The following TOX2 variants were observed in gnomAD, a reference collection of about 807,000 sequenced individuals.
TOX2 encodes the protein granulosa cell HMG box 1.
A neutral mutation model predicts 47.4 loss-of-function variants in TOX2; 15 were observed. The observed-to-expected ratio is 0.32, with a 90% CI of 0.21 to 0.49. The LOEUF (loss-of-function observed/expected upper bound fraction) is 0.49. TOX2 is among the 20% of genes least tolerant of loss of function. The probability of loss-of-function intolerance (pLI) is 0.99; values close to 1 mark genes in which losing one functional copy is unlikely to be tolerated. For synonymous variants in TOX2, 290 were observed against 296.6 expected (o/e 0.98, Z 0.23); for missense variants, 622 against 673.1 (o/e 0.92, Z 0.84).
rs150112299 is a variant in TOX2, at chr20:44,024,308, T to C, written c.411+17516T>C. Among the ~76,000 whole-genome samples, 723 of 152,316 alleles carry C rather than the reference T, an allele frequency of 4.7e-3. 9 individuals carry two copies. The highest frequency in any genetic ancestry group is 0.017 in the African/African-American group (694 of 41,574). On this transcript the variant is annotated intron_variant, in intron 3 of 8. Coordinates refer to ENST00000341197, the MANE Select transcript of TOX2 (RefSeq NM_001098797.2). Reference sequence around the variant, plus strand: ...ACCTTTACCCAGGGTTTATCCATCTTATTGCTTTATCTACATTGTTTTATT... The same window carrying C: ...ACCTTTACCCAGGGTTTATCCATCTCATTGCTTTATCTACATTGTTTTATT...
chr20:44,066,092 A>G lies in TOX2; in HGVS notation c.1341A>G (p.Ser447=). 2 of 1,551,874 alleles carry G rather than the reference A, an allele frequency of 1.3e-6. No individual in the cohort carries two copies. Among genetic ancestry groups the G allele is most frequent in the Non-Finnish European group, 1.7e-6 (2 of 1,149,766 alleles). Residue 447 remains serine, a synonymous_variant, in exon 7 of 9, where the codon TCA becomes TCG. Coordinates refer to ENST00000341197, the MANE Select transcript of TOX2 (RefSeq NM_001098797.2). ...AGGTGCAGCTGGCGATGAGCCCCTC[A>G]CCTCCAGGGCCACAGGTAAGCAGGG... The part of the protein sequence containing the change: ...ALQVQLAMSP[S]PPGPQDFPHI...
chr20:44,003,345 C>T (rs1233912790), intron 2 of TOX2, among the ~76,000 whole-genome samples: 1 of 152,022 alleles, frequency 6.6e-6, no homozygotes, highest in Non-Finnish European at 1.5e-5. Context: ...GGCCACACAC[C>T]CAGTGAATTT....
At chr20:43,974,622 G>A (rs1288075499) in intron 2 of TOX2, among the ~76,000 whole-genome samples, 1 of 152,242 alleles carries the variant, frequency 6.6e-6, no homozygotes, top group Non-Finnish European at 1.5e-5. Flanking sequence ...TGGCCCCTCA[G>A]CCATCAGGCT....
intron 1 of TOX2, chr20:43,945,826 G>A: frequency 1.3e-6 from 2 of 1,561,474 alleles, no homozygotes; most frequent in Non-Finnish European, 1.7e-6. Flanking sequence ...GGGGTGCTGG[G>A]CCTCCAGCCA....
intron 3 of TOX2, among the ~76,000 whole-genome samples, chr20:44,029,755 C>T (rs1385077922): frequency 1.3e-5 from 2 of 152,158 alleles, no homozygotes; most frequent in East Asian, 3.8e-4. Flanking sequence ...CCTCTCTCCC[C>T]TCGTGGTCCC....
At chr20:43,986,236 G>T (rs2070261082) in intron 2 of TOX2, among the ~76,000 whole-genome samples, 1 of 125,718 alleles carries the variant, frequency 8.0e-6, no homozygotes, top group African/African-American at 3.3e-5. Context: ...ATAATGGGAA[G>T]GGACGAGGAA....
intron 5 of TOX2, among the ~76,000 whole-genome samples, chr20:44,057,165 C>G (rs1458623070): frequency 2.6e-5 from 4 of 152,296 alleles, no homozygotes; most frequent in South Asian, 4.1e-4. Context: ...AAATGATCAT[C>G]CCACCTTGGC....
Position 44,014,703 on chromosome 20 carries a change from C to T in TOX2, c.411+7911C>T, listed in dbSNP as rs77205806. ...GCGATCCGATGCAGGTGAAGTGTCACGCATAGGCAATTGGTAAATGTAAGC... is the reference window on the plus strand; with the variant it reads ...GCGATCCGATGCAGGTGAAGTGTCATGCATAGGCAATTGGTAAATGTAAGC... On this transcript the variant is annotated intron_variant, in intron 3 of 8. Transcript: ENST00000341197. Among the ~76,000 whole-genome samples the T allele has an allele frequency of 7.6e-3, 1,153 of 152,244 alleles. 17 individuals carry two copies. The highest frequency in any genetic ancestry group is 0.027 in the African/African-American group (1,109 of 41,530).
intron 1 of TOX2, among the ~76,000 whole-genome samples, chr20:43,965,952 A>G (rs1299836906): frequency 6.6e-6 from 1 of 152,230 alleles, no homozygotes; most frequent in Non-Finnish European, 1.5e-5. Context: ...AGACAATGTC[A>G]TCTGCTAGAC....
chr20:43,992,849 C>CAA (rs11483440), intron 2 of TOX2, among the ~76,000 whole-genome samples: 2,223 of 74,458 alleles, frequency 0.03, 79 homozygotes, highest in African/African-American at 0.077. Context: ...GTAGGGTTTA[C>CAA]AAAAAAAAAA....
chr20:44,015,081 G>T (rs1449070064), intron 3 of TOX2, among the ~76,000 whole-genome samples: 1 of 151,602 alleles, frequency 6.6e-6, no homozygotes, highest in African/African-American at 2.4e-5. Flanking sequence ...CTTTTCCAAG[G>T]TGCCATGCTT....
intron 3 of TOX2, among the ~76,000 whole-genome samples, chr20:44,008,084 A>G (rs1438031812): frequency 6.6e-6 from 1 of 152,140 alleles, no homozygotes; most frequent in Admixed American, 6.5e-5. Flanking sequence ...GGGGAATATC[A>G]GGTACAAAAG....
chr20:44,047,110 T>C (rs924106365), intron 3 of TOX2, among the ~76,000 whole-genome samples: 8 of 152,242 alleles, frequency 5.3e-5, no homozygotes, highest in Admixed American at 3.3e-4. Context: ...AAAATACTTA[T>C]ATGATGTAGC....
Position 44,019,480 on chromosome 20 carries a change from C to T in TOX2, c.411+12688C>T, listed in dbSNP as rs58055065. Among the ~76,000 whole-genome samples, 656 of 152,354 alleles carry T rather than the reference C, an allele frequency of 4.3e-3. 3 individuals are homozygous for T. The highest frequency in any genetic ancestry group is 0.015 in the African/African-American group (623 of 41,584). The stretch of plus-strand genomic sequence containing the variant: ...ATGGTGGGCAAAGGTGGGACCCTTG[C>T]CCCTGTCTCCCTATCGAGTGTGGGT... On this transcript the variant is annotated intron_variant, in intron 3 of 8. Transcript: ENST00000341197.
rs1213320067 is a variant in TOX2 at position 44,021,827 on chromosome 20, G to A, written c.411+15035G>A. 2.6e-5 allele frequency among the ~76,000 whole-genome samples: 4 copies of A among 151,550 alleles called. No individual in the cohort carries two copies. In the South Asian group the frequency reaches 8.4e-4, roughly 32 times the overall value. ...ATTTTTTTTTTTTTTTAAGAGATGG[G>A]GTTTCCCTGTGTTGCCCAGGCTTGT... On this transcript the variant is annotated intron_variant, in intron 3 of 8. Coordinates refer to ENST00000341197, the MANE Select transcript of TOX2 (RefSeq NM_001098797.2).
chr20:44,040,629 A>C (rs6031314), intron 3 of TOX2, among the ~76,000 whole-genome samples: 1 of 152,100 alleles, frequency 6.6e-6, no homozygotes, highest in Non-Finnish European at 1.5e-5. Flanking sequence ...ATGAGTCATA[A>C]GTGGACATGG....
At chr20:43,998,047 G>C (rs2070509185) in intron 2 of TOX2, among the ~76,000 whole-genome samples, 1 of 152,174 alleles carries the variant, frequency 6.6e-6, no homozygotes, top group South Asian at 2.1e-4. Context: ...TCTATAGGAG[G>C]CATGGCTAGG....
In TOX2 at chr20:44,006,681, C is replaced by T. The variant is rs772309501; in HGVS notation, c.300C>T (p.Thr100=). 4 of 1,614,106 alleles carry T rather than the reference C, an allele frequency of 2.5e-6. No individual in the cohort carries two copies. Among genetic ancestry groups the T allele is most frequent in the Non-Finnish European group, 3.4e-6 (4 of 1,180,030 alleles). Residue 100 remains threonine (T), a synonymous_variant, in exon 3 of 9, where the codon ACC becomes ACT. Coordinates refer to ENST00000341197, the MANE Select transcript of TOX2 (RefSeq NM_001098797.2). ...ASYHSLCHGL[T]PNGLLPAYSY... is the part of the protein sequence containing the mutation. ...ACCACTCGCTGTGCCACGGCCTCAC[C>T]CCCAACGGTCTGCTCCCTGCCTACT...
intron 2 of TOX2, among the ~76,000 whole-genome samples, chr20:43,975,767 C>A (rs1017654109): frequency 6.6e-6 from 1 of 151,976 alleles, no homozygotes; most frequent in African/African-American, 2.4e-5. Flanking sequence ...TTAGTTAATG[C>A]CTGATTTCCA....
Sources: allele counts gnomAD v4.1 joint callset (sites outside exome capture counted in the v4.1 genomes callset), GRCh38; gene constraint gnomAD v4.1.1; transcripts MANE v1.5; gene names NCBI Gene and HGNC (gene_info 2026-07-23, HGNC 2026-07-21).